Variants in ZNF808 observed in about 807,000 individuals in gnomAD.
ZNF808 encodes the protein zinc finger protein 808.
In ZNF808, 5 loss-of-function variants were observed where a neutral mutation model predicts 8.7. That is an observed-to-expected ratio of 0.58 (90% CI 0.30 to 1.21). The LOEUF (loss-of-function observed/expected upper bound fraction) is 1.21. Among genes scored for constraint, ZNF808 ranks in the 50% most tolerant of loss-of-function variants. The pLI is 0.07. For missense variants in ZNF808, 1,103 were observed against 1,098.4 expected (o/e 1.00, Z -0.06); for synonymous variants, 380 against 366.0 (o/e 1.04, Z -0.44).
chr19:52,561,799 G>C (rs142833512), intron 3 of ZNF808, among the ~76,000 whole-genome samples: 1 of 152,032 alleles, frequency 6.6e-6, no homozygotes, highest in East Asian at 1.9e-4. Context: ...CACCCGCCTC[G>C]GTCTCCCAAA....
rs2059832420 is a variant in ZNF808, at chr19:52,555,938, C to A, written c.*310C>A. ...CACACCTCGTTGGACATCAGAGAAT[C>A]CATACTGGACAGAAATCTTGCAAAT... On this transcript the variant is annotated 3_prime_UTR_variant, in exon 5 of 5. Transcript: ENST00000359798. The A allele has an allele frequency of 1.5e-6, 1 of 656,790 alleles. No individual in the cohort carries two copies. Among genetic ancestry groups the A allele is most frequent in the Admixed American group, 1.9e-5 (1 of 53,450 alleles). The allele number at this position is 656,790 out of a possible 1,614,324, so 40.7% of individuals were successfully genotyped here.
chr19:52,562,471 C>A (rs779705232), intron 3 of ZNF808, among the ~76,000 whole-genome samples: 1 of 152,176 alleles, frequency 6.6e-6, no homozygotes, highest in Non-Finnish European at 1.5e-5. Context: ...CTCTCAAAGG[C>A]CCCATCTGCA....
At chr19:52,556,663 G>A (rs987264139), downstream of ZNF808, 8 of 151,964 alleles carry the variant, frequency 5.3e-5, no homozygotes, top group South Asian at 1.7e-3. Context: ...TTGAGAGGCA[G>A]GAGAATGGCG....
rs377537705 is a variant in ZNF808 at position 52,547,626 on chromosome 19, C to T, written c.178C>T (p.Leu60=). 6.2e-7 allele frequency: 1 copy of T among 1,613,960 alleles called. No homozygotes were observed. The highest frequency in any genetic ancestry group is 2.2e-5 in the East Asian group (1 of 44,882). The change falls in exon 4 of 5, where the codon CTG becomes TTG. Residue 60 remains leucine, a synonymous_variant. Transcript: ENST00000359798. ...AGTGATGTTGGAGAACTACAGGAAC[C>T]TGGAGGCTGTGGGTGAGGAAAATGT... is the stretch of plus-strand genomic sequence containing the variant. ...REVMLENYRN[L]EAVDISSKHM...
chr19:52,530,170 A>G (rs1429909223), intron 1 of ZNF808, among the ~76,000 whole-genome samples: 2 of 151,944 alleles, frequency 1.3e-5, no homozygotes, highest in African/African-American at 4.8e-5. Flanking sequence ...AAACAATTCT[A>G]CTGCCTCACT....
intron 1 of ZNF808, among the ~76,000 whole-genome samples, chr19:52,528,228 C>T (rs1244086285): frequency 6.6e-6 from 1 of 152,194 alleles, no homozygotes; most frequent in Non-Finnish European, 1.5e-5. Context: ...TCCGCAGTCA[C>T]CGCTTCCATT....
At chr19:52,548,399 A>G (rs1487546479) in intron 4 of ZNF808, among the ~76,000 whole-genome samples, 3 of 152,194 alleles carry the variant, frequency 2.0e-5, no homozygotes, top group Non-Finnish European at 2.9e-5. Context: ...CTTAAGACAC[A>G]GTGCCTTTCA....
At chr19:52,546,249 A>G (rs1261848704) in intron 3 of ZNF808, among the ~76,000 whole-genome samples, 2 of 148,462 alleles carry the variant, frequency 1.3e-5, no homozygotes, top group African/African-American at 5.0e-5. Flanking sequence ...GTGCAGTGGC[A>G]TGATATTGGG....
At chr19:52,562,859 C>T (rs189250067) in intron 3 of ZNF808, among the ~76,000 whole-genome samples, 2 of 152,110 alleles carry the variant, frequency 1.3e-5, no homozygotes, top group Admixed American at 6.5e-5. Context: ...CTGCAACCTA[C>T]GCCTCCTTGG....
chr19:52,540,449 T>C (rs542987631), intron 2 of ZNF808, among the ~76,000 whole-genome samples: 41 of 152,356 alleles, frequency 2.7e-4, no homozygotes, highest in African/African-American at 8.7e-4. Context: ...GTGTGCTTTC[T>C]AGTCTTTATC....
chr19:52,538,736 G>A (rs2059638947), intron 2 of ZNF808, among the ~76,000 whole-genome samples: 1 of 151,836 alleles, frequency 6.6e-6, no homozygotes, highest in Non-Finnish European at 1.5e-5. Context: ...GTGAGAAAGG[G>A]CTATGCATAG....
At chr19:52,535,339 A>T (rs1446330506) in intron 2 of ZNF808, among the ~76,000 whole-genome samples, 1 of 149,712 alleles carries the variant, frequency 6.7e-6, no homozygotes, top group African/African-American at 2.4e-5. Context: ...TCAAAAAAAA[A>T]AAAAAAAAAA....
chr19:52,528,823 A>AAGAGGC (rs1278779976), intron 1 of ZNF808, among the ~76,000 whole-genome samples: 1 of 152,038 alleles, frequency 6.6e-6, no homozygotes, highest in Non-Finnish European at 1.5e-5. Flanking sequence ...GAGATGGGTG[A>AAGAGGC]AGAGGCAGAA....
chr19:52,542,523 T>G (rs781389627), intron 2 of ZNF808, among the ~76,000 whole-genome samples: 11 of 152,258 alleles, frequency 7.2e-5, no homozygotes, highest in Admixed American at 2.0e-4. Context: ...TTCTCCGGGT[T>G]TCCTTTGTGA....
chr19:52,546,702 G>T (rs573269452), intron 3 of ZNF808, among the ~76,000 whole-genome samples: 29 of 137,508 alleles, frequency 2.1e-4, no homozygotes, highest in Non-Finnish European at 3.2e-4. Context: ...AAAGTGAAGT[G>T]GTGCGATCTC....
At chr19:52,536,885 G>A (rs755357589) in intron 2 of ZNF808, among the ~76,000 whole-genome samples, 3 of 152,036 alleles carry the variant, frequency 2.0e-5, no homozygotes, top group Non-Finnish European at 4.4e-5. Context: ...GGGAGAAGGA[G>A]CAACAAGAGG....
At chr19:52,543,068 G>T (rs1183683115) in intron 2 of ZNF808, among the ~76,000 whole-genome samples, 198 bp from the exon 3 acceptor site, 2 of 152,030 alleles carry the variant, frequency 1.3e-5, no homozygotes, top group Non-Finnish European at 2.9e-5. Context: ...TCCATGAAGG[G>T]AGTGAGATCT....
At chr19:52,532,770 C>G (rs549891899) in intron 1 of ZNF808, 138 bp from the exon 2 acceptor site, 1 of 153,068 alleles carries the variant, frequency 6.5e-6, no homozygotes, top group East Asian at 1.9e-4. Flanking sequence ...GAATCTTACT[C>G]CTTTTGTGTT....
chr19:52,543,837 T>C (rs1052624817), intron 3 of ZNF808, among the ~76,000 whole-genome samples: 1 of 134,444 alleles, frequency 7.4e-6, no homozygotes, highest in Non-Finnish European at 1.5e-5. Flanking sequence ...GATGTCTCTG[T>C]GTCCAAATTT....
Sources: allele counts gnomAD v4.1 joint callset (sites outside exome capture counted in the v4.1 genomes callset), GRCh38; gene constraint gnomAD v4.1.1; transcripts MANE v1.5; gene names NCBI Gene and HGNC (gene_info 2026-07-23, HGNC 2026-07-21).